TMLHE: variants seen among roughly 807,000 people sequenced by gnomAD.
TMLHE encodes the protein trimethyllysine dioxygenase, mitochondrial.
In TMLHE, 18 loss-of-function variants were observed where a neutral mutation model predicts 25.7. That is an observed-to-expected ratio of 0.70 (90% confidence interval 0.48 to 1.04). The LOEUF (loss-of-function observed/expected upper bound fraction) is 1.04, where lower values mean the gene tolerates loss of function less well. Ranked by LOEUF, TMLHE falls within the 50% of genes least tolerant of loss-of-function variation. The pLI is 0.00. For synonymous variants in TMLHE, 105 were observed against 97.0 expected (o/e 1.08, Z -0.49); for missense variants, 236 against 259.0 (o/e 0.91, Z 0.61).
At position 155,598,169 on chromosome X, in the gene TMLHE, G is replaced by A. The variant is rs782589354; in HGVS notation, c.-2+14623C>T. Among the ~76,000 whole-genome samples, 30 of 111,785 alleles carry A rather than the reference G, an allele frequency of 2.7e-4. No individual in the cohort carries two copies. The South Asian group carries it at 0.011, about 42-fold the overall frequency. On this transcript the variant is annotated intron_variant, in intron 1 of 7. Transcript: ENST00000334398. ...AAAATTTTAAAATGACGACTTGATG[G>A]AGATGAGTGCTTCCGAACCAGTGCC...
chrX:155,581,987 G>A (rs868911293), intron 1 of TMLHE, among the ~76,000 whole-genome samples: 1 of 111,289 alleles, frequency 9.0e-6, no homozygotes, highest in Non-Finnish European at 1.9e-5. Flanking sequence ...TATAGACCAA[G>A]GGAACAGAAC....
chrX:155,512,492 A>G (rs1316594646), intron 4 of TMLHE, among the ~76,000 whole-genome samples: 17 of 110,529 alleles, frequency 1.5e-4, no homozygotes, highest in African/African-American at 3.3e-5. Flanking sequence ...TACAAAGGAC[A>G]TGAACTCATC....
intron 1 of TMLHE, among the ~76,000 whole-genome samples, chrX:155,546,984 G>A (rs1451682360): frequency 9.1e-6 from 1 of 110,300 alleles, no homozygotes; most frequent in South Asian, 3.9e-4. Flanking sequence ...TCTACAATAT[G>A]TGCTATCTGG....
At chrX:155,511,635 T>C in intron 5 of TMLHE, 38 bp downstream of exon 5, 1 of 1,151,947 alleles carries the variant, frequency 8.7e-7, no homozygotes, top group Non-Finnish European at 1.2e-6. Flanking sequence ...GACTATCACA[T>C]ATAAAGACTT....
intron 1 of TMLHE, among the ~76,000 whole-genome samples, chrX:155,602,488 G>GA (rs1381463801): frequency 1.8e-5 from 2 of 110,179 alleles, no homozygotes; most frequent in African/African-American, 3.3e-5. Flanking sequence ...CCTAAGACCA[G>GA]AAAAAAAACA....
intron 1 of TMLHE, among the ~76,000 whole-genome samples, chrX:155,556,981 G>A (rs1557340985): frequency 8.9e-6 from 1 of 112,326 alleles, no homozygotes; most frequent in Non-Finnish European, 1.9e-5. Context: ...GTTCTGCCCA[G>A]CTCACCGGCA....
At chrX:155,582,742 A>T (rs1416501793) in intron 1 of TMLHE, among the ~76,000 whole-genome samples, 1 of 112,302 alleles carries the variant, frequency 8.9e-6, no homozygotes, top group Non-Finnish European at 1.9e-5. Flanking sequence ...AGCTAGTTCA[A>T]CCATTGTGGA....
chrX:155,513,888 G>A, intron 4 of TMLHE, 98 bp downstream of exon 4: 1 of 906,473 alleles, frequency 1.1e-6, no homozygotes, highest in South Asian at 2.5e-5. Flanking sequence ...ATTCTGGATT[G>A]AAAACGAGGG....
intron 1 of TMLHE, among the ~76,000 whole-genome samples, chrX:155,549,348 T>G (rs1411302078): frequency 9.0e-6 from 1 of 110,608 alleles, no homozygotes; most frequent in African/African-American, 3.3e-5. Context: ...TTAGCCATGT[T>G]TTTGGATTTT....
intron 2 of TMLHE, among the ~76,000 whole-genome samples, chrX:155,534,983 A>C (rs1409872896): frequency 9.0e-6 from 1 of 111,724 alleles, no homozygotes; most frequent in Non-Finnish European, 1.9e-5. Context: ...GGAGCCCTTT[A>C]TCTCTCCACC....
At chrX:155,577,526 G>A (rs1219584685) in intron 1 of TMLHE, among the ~76,000 whole-genome samples, 2 of 109,072 alleles carry the variant, frequency 1.8e-5, no homozygotes, top group African/African-American at 3.3e-5. Flanking sequence ...ACTGCAGTGA[G>A]CTGAGATCAC....
chrX:155,546,011 C>A (rs2067342484), intron 1 of TMLHE, among the ~76,000 whole-genome samples: 1 of 110,010 alleles, frequency 9.1e-6, no homozygotes, highest in African/African-American at 3.3e-5. Context: ...TGTGACACTA[C>A]TAATCACCCC....
At chrX:155,540,589 T>C (rs2067304770) in intron 2 of TMLHE, among the ~76,000 whole-genome samples, 1 of 111,384 alleles carries the variant, frequency 9.0e-6, no homozygotes, top group Non-Finnish European at 1.9e-5. Context: ...CACAAAACCA[T>C]ATGAAAATAT....
chrX:155,554,504 T>C (rs1215200680), intron 1 of TMLHE, among the ~76,000 whole-genome samples: 1 of 111,486 alleles, frequency 9.0e-6, no homozygotes, highest in Admixed American at 9.5e-5. Context: ...CCAATCTAAT[T>C]GCTATTCCTT....
In TMLHE at chrX:155,530,157, T is replaced by A. The variant is rs1022494655; in HGVS notation, c.182-5525A>T. On this transcript the variant is annotated intron_variant, in intron 2 of 7. Coordinates refer to ENST00000334398, the MANE Select transcript of TMLHE (RefSeq NM_018196.4). ...GCAGCATTATTCATGAAAGCCAAGATATGGAAAGAACCTAAATGTCTGTTG... is the reference window on the plus strand; with the variant it reads ...GCAGCATTATTCATGAAAGCCAAGAAATGGAAAGAACCTAAATGTCTGTTG... Among the ~76,000 whole-genome samples, 87 of 111,831 alleles carry A rather than the reference T, an allele frequency of 7.8e-4. 2 individuals are homozygous for A. Among genetic ancestry groups the A allele is most frequent in the Non-Finnish European group, 1.9e-4 (10 of 53,143 alleles).
Position 155,524,573 on chromosome X carries a change from G to A in TMLHE, c.241C>T (p.Arg81Cys), listed in dbSNP as rs1224142596. Residue 81 changes from arginine to cysteine, a missense_variant, in exon 3 of 8, where the codon CGC becomes TGC. Physicochemically the swap from Arg to Cys is radical, Grantham distance 180 (BLOSUM62 -3). Around this residue, in one of 2 missense-constraint regions of TMLHE, gnomAD observed 217 missense variants for 214.6 expected, o/e 1.01. Transcript: ENST00000334398. ...FDYVWLRDHC[R>C]SASCYNSKTH... ...TTAGAGTTGTAGCACGATGCTGAGC[G>A]GCAGTGGTCTCGAAGCCAGACGTAA... is the stretch of plus-strand genomic sequence containing the variant. 8 of 1,204,447 alleles carry A rather than the reference G, an allele frequency of 6.6e-6. No homozygotes were observed. Among genetic ancestry groups the A allele is most frequent in the East Asian group, 6.0e-5 (2 of 33,604 alleles).
chrX:155,608,374 G>A (rs201057432), intron 1 of TMLHE, among the ~76,000 whole-genome samples: 2 of 6,438 alleles, frequency 3.1e-4, no homozygotes, highest in African/African-American at 3.9e-4. Context: ...ACCAGAAGGC[G>A]TCTGCCTTCT....
chrX:155,561,990 A>G (rs782645762), intron 1 of TMLHE, among the ~76,000 whole-genome samples: 1 of 61,973 alleles, frequency 1.6e-5, no homozygotes, highest in African/African-American at 3.6e-5. Flanking sequence ...TGGTGGATCT[A>G]CCATTCTGGG....
chrX:155,541,324 C>G (rs1557338160), intron 2 of TMLHE, among the ~76,000 whole-genome samples: 1 of 111,267 alleles, frequency 9.0e-6, no homozygotes, highest in Non-Finnish European at 1.9e-5. Context: ...TGTTAGTTTG[C>G]TGAGAATGAT....
Sources: allele counts gnomAD v4.1 joint callset (sites outside exome capture counted in the v4.1 genomes callset), GRCh38; gene constraint gnomAD v4.1.1; regional missense constraint gnomAD v4.1.1; transcripts MANE v1.5; gene names NCBI Gene and HGNC (gene_info 2026-07-23, HGNC 2026-07-21).